GDA: variants seen among roughly 807,000 people sequenced by gnomAD.
The protein encoded by GDA is cytoplasmic PSD-95 interactor.
In GDA, 18 loss-of-function variants were observed where a neutral mutation model predicts 59.6. The ratio of observed to expected loss-of-function variants is 0.30; its 90% CI spans 0.21 to 0.45. The LOEUF (loss-of-function observed/expected upper bound fraction) is 0.45. Among genes scored for constraint, GDA ranks in the 20% least tolerant of loss-of-function variants. The pLI is 1.00. For missense variants in GDA, 427 were observed against 552.3 expected (o/e 0.77, Z 2.27); for synonymous variants, 201 against 201.1 (o/e 1.00, Z 0.00).
At chr9:72,191,803 G>A (rs1040199253) in intron 1 of GDA, among the ~76,000 whole-genome samples, 2 of 152,082 alleles carry the variant, frequency 1.3e-5, no homozygotes, top group African/African-American at 2.4e-5. Context: ...GACCAGGCTG[G>A]CCTTGAACTC....
upstream of GDA, among the ~76,000 whole-genome samples, chr9:72,145,120 G>C (rs1162581663): frequency 6.6e-6 from 1 of 151,914 alleles, no homozygotes; most frequent in Non-Finnish European, 1.5e-5. Context: ...AGTTATTTTC[G>C]ATAGCCCATT....
chr9:72,188,078 T>G (rs1382981963), intron 1 of GDA, among the ~76,000 whole-genome samples: 6 of 152,184 alleles, frequency 3.9e-5, no homozygotes, highest in Non-Finnish European at 8.8e-5. Context: ...AAGGAATGAT[T>G]TAAAGATGGA....
intron 3 of GDA, among the ~76,000 whole-genome samples, chr9:72,209,844 C>T (rs1835146151): frequency 6.6e-6 from 1 of 152,100 alleles, no homozygotes; most frequent in African/African-American, 2.4e-5. Context: ...CGTTTAGTCC[C>T]CTGCCAGGAG....
intron 1 of GDA, among the ~76,000 whole-genome samples, chr9:72,175,959 G>A (rs765162824): frequency 2.6e-5 from 4 of 152,164 alleles, no homozygotes; most frequent in Non-Finnish European, 5.9e-5. Flanking sequence ...AGCTATTGCT[G>A]TATAACAAAT....
chr9:72,220,562 GT>G (rs1398135710), intron 6 of GDA, among the ~76,000 whole-genome samples: 3 of 152,138 alleles, frequency 2.0e-5, no homozygotes, highest in Non-Finnish European at 4.4e-5. Context: ...TCAGGTTAGA[GT>G]TACCGTCTCA....
At chr9:72,128,468 T>C (rs1180517138) in intron 1 of GDA, among the ~76,000 whole-genome samples, 1 of 152,216 alleles carries the variant, frequency 6.6e-6, no homozygotes, top group Non-Finnish European at 1.5e-5. Context: ...CTATCATTTT[T>C]GAGCACTTGC....
At chr9:72,259,206 G>A (rs960081715), downstream of GDA, among the ~76,000 whole-genome samples, 8 of 151,990 alleles carry the variant, frequency 5.3e-5, no homozygotes, top group Non-Finnish European at 1.2e-4. Flanking sequence ...TGTATTTTTA[G>A]TAGAGATGGG....
At chr9:72,187,327 C>T (rs989359466) in intron 1 of GDA, among the ~76,000 whole-genome samples, 1 of 152,096 alleles carries the variant, frequency 6.6e-6, no homozygotes, top group African/African-American at 2.4e-5. Flanking sequence ...AATCTTGTTA[C>T]CATAGTAGTG....
intron 3 of GDA, among the ~76,000 whole-genome samples, chr9:72,208,233 G>C (rs138750822): frequency 6.6e-6 from 1 of 152,316 alleles, no homozygotes; most frequent in East Asian, 1.9e-4. Flanking sequence ...AGACACTTGA[G>C]CTTCTGATGT....
At chr9:72,135,956 G>A (rs997497695) in intron 1 of GDA, among the ~76,000 whole-genome samples, 1 of 151,874 alleles carries the variant, frequency 6.6e-6, no homozygotes, top group African/African-American at 2.4e-5. Flanking sequence ...CTCTAACTTC[G>A]GGTATTACAA....
At chr9:72,115,229 A>C (rs1468870566) in intron 1 of GDA, among the ~76,000 whole-genome samples, 1 of 152,248 alleles carries the variant, frequency 6.6e-6, no homozygotes, top group Non-Finnish European at 1.5e-5. Context: ...AGCCATTCTC[A>C]AAAAACCATT....
downstream of GDA, among the ~76,000 whole-genome samples, chr9:72,255,739 T>C (rs961205689): frequency 6.6e-6 from 1 of 152,188 alleles, no homozygotes; most frequent in Non-Finnish European, 1.5e-5. Flanking sequence ...AATCTCATGG[T>C]AGTGACTCAG....
chr9:72,156,131 G>A (rs999899481), intron 1 of GDA, among the ~76,000 whole-genome samples: 4 of 152,192 alleles, frequency 2.6e-5, no homozygotes, highest in African/African-American at 9.7e-5. Flanking sequence ...CATCAAGAGT[G>A]ATCGCAAAAT....
At position 72,249,064 on chromosome 9, in the gene GDA, T is replaced by A; in HGVS notation, c.*722T>A. Reference sequence around the variant, plus strand: ...GAAGTTGGGTATTAAAGATTTAAAGTCTCTTAGGAATATTATTCATGTAAC... The same window carrying A: ...GAAGTTGGGTATTAAAGATTTAAAGACTCTTAGGAATATTATTCATGTAAC... On this transcript the variant is annotated 3_prime_UTR_variant, in exon 14 of 14. Coordinates refer to ENST00000358399, the MANE Select transcript of GDA (RefSeq NM_004293.5). 1.0e-6 allele frequency: 1 copy of A among 982,808 alleles called. No homozygotes were observed. The allele number at this position is 982,808 out of a possible 1,614,324, so 60.9% of individuals were successfully genotyped here. A position where few individuals can be genotyped will look rare whatever the true frequency, so the allele number is the denominator to read the frequency against.
At chr9:72,220,124 C>T (rs890256213) in intron 6 of GDA, among the ~76,000 whole-genome samples, 1 of 152,096 alleles carries the variant, frequency 6.6e-6, no homozygotes, top group Non-Finnish European at 1.5e-5. Flanking sequence ...GAAATCATGC[C>T]ATTTGTGACA....
intron 1 of GDA, among the ~76,000 whole-genome samples, chr9:72,123,970 AGTGAG>A (rs961256582): frequency 2.0e-5 from 3 of 152,244 alleles, no homozygotes; most frequent in African/African-American, 7.2e-5. Context: ...GTGAGAAGCC[AGTGAG>A]GATACATTTA....
At chr9:72,124,897 C>T (rs974108363) in intron 1 of GDA, among the ~76,000 whole-genome samples, 5 of 152,062 alleles carry the variant, frequency 3.3e-5, no homozygotes, top group South Asian at 2.1e-4. Context: ...CTTGAGCCAT[C>T]GCGCCTGGCC....
At chr9:72,240,522 T>C (rs1411547826) in intron 10 of GDA, among the ~76,000 whole-genome samples, 1 of 152,188 alleles carries the variant, frequency 6.6e-6, no homozygotes, top group Non-Finnish European at 1.5e-5. Flanking sequence ...CCCTAAAAGA[T>C]GTCTATCAGA....
At chr9:72,256,930 T>C (rs1313590650), downstream of GDA, 1 of 152,278 alleles carries the variant, frequency 6.6e-6, no homozygotes, top group African/African-American at 2.4e-5. Flanking sequence ...GCAGAAACTG[T>C]GGGTCTCACG....
Sources: allele counts gnomAD v4.1 joint callset (sites outside exome capture counted in the v4.1 genomes callset), GRCh38; gene constraint gnomAD v4.1.1; transcripts MANE v1.5; gene names NCBI Gene and HGNC (gene_info 2026-07-23, HGNC 2026-07-21).